Variants in DYNC1I1 observed in about 807,000 individuals in gnomAD.
DYNC1I1 encodes the protein dynein cytoplasmic 1 intermediate chain 1, also known as cytoplasmic dynein 1 intermediate chain 1.
DYNC1I1 carries 43 observed loss-of-function variants against 86.6 expected under a neutral mutation model. The observed-to-expected ratio is 0.50, with a 90% CI of 0.39 to 0.64. The LOEUF (loss-of-function observed/expected upper bound fraction) is 0.64. Ranked by LOEUF, DYNC1I1 falls within the 30% of genes least tolerant of loss-of-function variation. The pLI, the probability that DYNC1I1 is intolerant of heterozygous loss-of-function variation, is 0.00. For missense variants in DYNC1I1, 604 were observed against 788.8 expected (o/e 0.77, Z 2.81); for synonymous variants, 262 against 283.7 (o/e 0.92, Z 0.77).
intron 5 of DYNC1I1, among the ~76,000 whole-genome samples, chr7:95,844,126 T>A (rs931715559): frequency 2.6e-5 from 4 of 152,182 alleles, no homozygotes; most frequent in Non-Finnish European, 5.9e-5. Flanking sequence ...GAAAAGATTC[T>A]CAACTTTATA....
chr7:95,884,056 A>G (rs534424784), intron 6 of DYNC1I1, among the ~76,000 whole-genome samples: 1 of 152,286 alleles, frequency 6.6e-6, no homozygotes, highest in South Asian at 2.1e-4. Context: ...CTGGAAATTG[A>G]TCTTTGATGA....
intron 10 of DYNC1I1, among the ~76,000 whole-genome samples, chr7:96,025,728 C>A (rs1321741496): frequency 6.6e-6 from 1 of 151,966 alleles, no homozygotes; most frequent in Non-Finnish European, 1.5e-5. Flanking sequence ...TTGGAGTTCT[C>A]ACTCTATGGG....
intron 6 of DYNC1I1, among the ~76,000 whole-genome samples, chr7:95,910,502 A>G (rs760846147): frequency 2.4e-4 from 37 of 152,140 alleles, no homozygotes; most frequent in Non-Finnish European, 5.1e-4. Context: ...CTGGGCTCTG[A>G]GGCATGGATT....
intron 6 of DYNC1I1, among the ~76,000 whole-genome samples, chr7:95,952,969 G>A (rs1792599550): frequency 6.6e-6 from 1 of 151,752 alleles, no homozygotes; most frequent in African/African-American, 2.4e-5. Context: ...GAGTCCAGGG[G>A]TGACCATAGA....
chr7:95,803,423 A>C (rs1794629139), intron 1 of DYNC1I1, among the ~76,000 whole-genome samples: 2 of 152,254 alleles, frequency 1.3e-5, no homozygotes, highest in South Asian at 4.1e-4. Flanking sequence ...TGTGATCATG[A>C]GTGGCACAGA....
intron 10 of DYNC1I1, among the ~76,000 whole-genome samples, chr7:96,025,843 G>T (rs569943951): frequency 2.2e-4 from 33 of 151,550 alleles, no homozygotes; most frequent in Non-Finnish European, 4.3e-4. Flanking sequence ...AAGCTTGCGG[G>T]GGGGGGATAT....
chr7:96,097,610 C>G lies in DYNC1I1; in HGVS notation c.*17C>G, dbSNP rs1290439809. On this transcript the variant is annotated 3_prime_UTR_variant, in exon 17 of 17. Coordinates refer to ENST00000447467, the MANE Select transcript of DYNC1I1 (RefSeq NM_001135556.2). The stretch of plus-strand genomic sequence containing the variant: ...TCTGCCTAGTGGAAATGAGCCACCC[C>G]CACTGCAGCCCCCACCTTTGTGTCC... 1 of 1,613,098 alleles carries G rather than the reference C, an allele frequency of 6.2e-7. No homozygotes were observed. The highest frequency in any genetic ancestry group is 8.5e-7 in the Non-Finnish European group (1 of 1,179,514).
chr7:96,011,552 G>T (rs1794276082), intron 10 of DYNC1I1, among the ~76,000 whole-genome samples: 1 of 152,126 alleles, frequency 6.6e-6, no homozygotes, highest in African/African-American at 2.4e-5. Context: ...TGTGAAATTT[G>T]CAGTTATTTC....
chr7:95,790,104 C>T (rs1281397973), intron 1 of DYNC1I1, among the ~76,000 whole-genome samples: 2 of 152,160 alleles, frequency 1.3e-5, no homozygotes, highest in Non-Finnish European at 2.9e-5. Flanking sequence ...CTGTGTTTCC[C>T]TTCTGCGTAC....
chr7:96,021,956 G>A (rs1428756999), intron 10 of DYNC1I1, among the ~76,000 whole-genome samples: 1 of 152,228 alleles, frequency 6.6e-6, no homozygotes, highest in Non-Finnish European at 1.5e-5. Context: ...GAATAATGCC[G>A]CTGTGGACAT....
At chr7:96,013,557 C>G (rs117045673) in intron 10 of DYNC1I1, among the ~76,000 whole-genome samples, 3,288 of 152,278 alleles carry the variant, frequency 0.022, 63 homozygotes, top group Middle Eastern at 0.065. Flanking sequence ...CTTCTGGGCT[C>G]TAGTGATCCT....
At chr7:95,921,792 G>C (rs1791617411) in intron 6 of DYNC1I1, among the ~76,000 whole-genome samples, 1 of 152,172 alleles carries the variant, frequency 6.6e-6, no homozygotes, top group African/African-American at 2.4e-5. Flanking sequence ...TGAGCAGTGT[G>C]ATCCTACAGT....
At chr7:95,942,176 A>G (rs1007785103) in intron 6 of DYNC1I1, among the ~76,000 whole-genome samples, 7 of 152,356 alleles carry the variant, frequency 4.6e-5, no homozygotes, top group Admixed American at 3.3e-4. Flanking sequence ...GCAATAAAAA[A>G]TGATAAAGGG....
chr7:95,868,482 A>G (rs1188476981), intron 5 of DYNC1I1, among the ~76,000 whole-genome samples: 1 of 152,226 alleles, frequency 6.6e-6, no homozygotes, highest in East Asian at 1.9e-4. Flanking sequence ...AAGGACAATA[A>G]TATGCATAGA....
In DYNC1I1 at chr7:95,806,184, G is replaced by A. The variant is rs115968631; in HGVS notation, c.108+1347G>A. ...TTATTATATTTCCTTTCCCTCAAAT[G>A]TCAACACTTACTGTAGTTTTAAAGC... On this transcript the variant is annotated intron_variant, in intron 2 of 16. Transcript: ENST00000447467. Among the ~76,000 whole-genome samples, 712 of 152,254 alleles carry A rather than the reference G, an allele frequency of 4.7e-3. 4 individuals carry two copies. The highest frequency in any genetic ancestry group is 0.016 in the African/African-American group (671 of 41,548).
At chr7:95,790,172 C>T (rs777830611) in intron 1 of DYNC1I1, among the ~76,000 whole-genome samples, 4 of 152,134 alleles carry the variant, frequency 2.6e-5, no homozygotes, top group Non-Finnish European at 5.9e-5. Context: ...ATAGGGTGAC[C>T]AATTTGGCCA....
chr7:95,859,720 GA>G (rs1789825170), intron 5 of DYNC1I1, among the ~76,000 whole-genome samples: 1 of 152,264 alleles, frequency 6.6e-6, no homozygotes. Flanking sequence ...ATCAGAGACT[GA>G]GTCCACCTAG....
chr7:95,893,053 T>C (rs1037357304), intron 6 of DYNC1I1, among the ~76,000 whole-genome samples: 2 of 152,214 alleles, frequency 1.3e-5, no homozygotes, highest in African/African-American at 4.8e-5. Context: ...TCTTAATAAG[T>C]CTTTATATAT....
chr7:95,800,861 C>T (rs1035041944), intron 1 of DYNC1I1, among the ~76,000 whole-genome samples: 1 of 152,246 alleles, frequency 6.6e-6, no homozygotes, highest in Non-Finnish European at 1.5e-5. Flanking sequence ...CCACAGGAAT[C>T]TCTATAACTC....
Sources: gnomAD v4.1 joint callset for allele counts (sites outside exome capture counted in the v4.1 genomes callset) on GRCh38, gnomAD v4.1.1 for gene constraint, MANE v1.5 for transcripts, NCBI Gene and HGNC (gene_info 2026-07-23, HGNC 2026-07-21) for gene names.